GAB2: variants seen among roughly 807,000 people sequenced by gnomAD.
GAB2 encodes GRB2-associated-binding protein 2.
In GAB2, 26 loss-of-function variants were observed where a neutral mutation model predicts 65.5. The ratio of observed to expected loss-of-function variants is 0.40; its 90% CI spans 0.29 to 0.55. The LOEUF (loss-of-function observed/expected upper bound fraction) is 0.55. GAB2 is among the 20% of genes least tolerant of loss of function. The pLI, the probability that GAB2 is intolerant of heterozygous loss-of-function variation, is 0.53. For missense variants in GAB2, 884 were observed against 875.8 expected, an observed-to-expected ratio of 1.01 and a Z score of -0.12; for synonymous variants, 321 against 329.6, an observed-to-expected ratio of 0.97 and a Z score of 0.28.
At chr11:78,242,494 T>C (rs1266914683) in intron 3 of GAB2, among the ~76,000 whole-genome samples, 1 of 148,184 alleles carries the variant, frequency 6.7e-6, no homozygotes, top group Non-Finnish European at 1.5e-5. Context: ...AGAGCGAGAC[T>C]CCGTCTCAAA....
intron 1 of GAB2, among the ~76,000 whole-genome samples, chr11:78,393,238 C>T (rs561386368): frequency 2.0e-4 from 30 of 152,310 alleles, no homozygotes; most frequent in African/African-American, 6.7e-4. Flanking sequence ...ACAGGAACAT[C>T]AGGTCAGGTC....
At chr11:78,310,346 CAAAA>C (rs140896478) in intron 1 of GAB2, among the ~76,000 whole-genome samples, 1 of 120,106 alleles carries the variant, frequency 8.3e-6, no homozygotes, top group Non-Finnish European at 1.8e-5. Flanking sequence ...ACTAAAAATA[CAAAA>C]AAAAAAAAAA....
intron 3 of GAB2, among the ~76,000 whole-genome samples, chr11:78,235,312 C>T (rs556007221): frequency 1.2e-3 from 179 of 151,954 alleles, no homozygotes; most frequent in Non-Finnish European, 2.2e-3. Context: ...GTCACCATGC[C>T]GGGCTAATTT....
chr11:78,302,573 C>T (rs1235989078), intron 1 of GAB2, among the ~76,000 whole-genome samples: 1 of 151,722 alleles, frequency 6.6e-6, no homozygotes, highest in Non-Finnish European at 1.5e-5. Flanking sequence ...TTCCACACAG[C>T]TGGTGGGAAT....
chr11:78,319,469 A>G (rs1855680737), intron 1 of GAB2, among the ~76,000 whole-genome samples: 1 of 152,202 alleles, frequency 6.6e-6, no homozygotes, highest in Non-Finnish European at 1.5e-5. Flanking sequence ...TAGTTGGGGA[A>G]AAAAGTGGTA....
intron 2 of GAB2, among the ~76,000 whole-genome samples, chr11:78,271,866 G>A (rs962135883): frequency 2.0e-5 from 3 of 152,146 alleles, no homozygotes; most frequent in Admixed American, 6.6e-5. Context: ...GTTGTGGGAG[G>A]GATCCAGTGG....
intron 1 of GAB2, among the ~76,000 whole-genome samples, chr11:78,363,539 T>C (rs1375389722): frequency 1.3e-5 from 2 of 152,196 alleles, no homozygotes; most frequent in Non-Finnish European, 2.9e-5. Context: ...AAATGTCTGC[T>C]TTCCAGGGGA....
At chr11:78,407,778 G>C (rs536760732) in intron 1 of GAB2, among the ~76,000 whole-genome samples, 37 of 149,296 alleles carry the variant, frequency 2.5e-4, no homozygotes, top group African/African-American at 6.8e-4. Context: ...GAGAGAGAAA[G>C]AAAGAAAGAA....
At chr11:78,331,107 G>A (rs780777109) in intron 1 of GAB2, among the ~76,000 whole-genome samples, 3 of 151,954 alleles carry the variant, frequency 2.0e-5, no homozygotes, top group Non-Finnish European at 4.4e-5. Context: ...CCCGGGAGGT[G>A]GAGGTTGCAG....
rs1431610755 is a variant in GAB2 at position 78,250,171 on chromosome 11, T to C, written c.606A>G (p.Arg202=). The change falls in exon 3 of 10, where the codon AGA becomes AGG. Residue 202 remains arginine, a synonymous_variant. Coordinates refer to ENST00000361507, the MANE Select transcript of GAB2 (RefSeq NM_080491.3). Reference sequence around the variant, plus strand: ...CAGCCTCCTACCTTGCATTTTCTGCTCTTCGGCTTATGCACTGGTGCAAGT... The same window carrying C: ...CAGCCTCCTACCTTGCATTTTCTGCCCTTCGGCTTATGCACTGGTGCAAGT... The part of the protein sequence containing the change: ...YLYLHQCISR[R]AENARSASFS... 8.7e-6 allele frequency: 14 copies of C among 1,613,022 alleles called. No individual in the cohort carries two copies. Among genetic ancestry groups the C allele is most frequent in the Non-Finnish European group, 1.2e-5 (14 of 1,179,920 alleles).
intron 1 of GAB2, among the ~76,000 whole-genome samples, chr11:78,302,133 A>G (rs1867039573): frequency 6.6e-6 from 1 of 152,234 alleles, no homozygotes; most frequent in Admixed American, 6.5e-5. Context: ...TGGCTTAGGA[A>G]AAGATTTCAT....
At chr11:78,388,799 A>T (rs1856799407) in intron 1 of GAB2, among the ~76,000 whole-genome samples, 1 of 152,200 alleles carries the variant, frequency 6.6e-6, no homozygotes, top group South Asian at 2.1e-4. Flanking sequence ...AGTCCTGCTT[A>T]TTTTTGTTTT....
chr11:78,282,338 G>A lies in GAB2; in HGVS notation c.76-1437C>T, dbSNP rs935441388. On this transcript the variant is annotated intron_variant, in intron 1 of 9. Transcript: ENST00000361507. ...TTTTTTTTTTTTGAGACGGAGTTTC[G>A]CTCTGTCACCCAGGCTGGAGTGCAG... 6.8e-5 allele frequency among the ~76,000 whole-genome samples: 10 copies of A among 147,686 alleles called. No homozygotes were observed. In the East Asian group the frequency reaches 1.2e-3, roughly 17 times the overall value.
chr11:78,379,426 A>G (rs1591075629), intron 1 of GAB2, among the ~76,000 whole-genome samples: 1 of 152,328 alleles, frequency 6.6e-6, no homozygotes, highest in South Asian at 2.1e-4. Flanking sequence ...CCTCCTTAGT[A>G]AGTGTAAATT....
At chr11:78,297,273 A>G (rs933656520) in intron 1 of GAB2, among the ~76,000 whole-genome samples, 1 of 151,786 alleles carries the variant, frequency 6.6e-6, no homozygotes, top group Non-Finnish European at 1.5e-5. Flanking sequence ...GTCAAATATT[A>G]TAATAATATA....
At chr11:78,353,626 ATATGTC>A (rs1214906644) in intron 1 of GAB2, among the ~76,000 whole-genome samples, 1 of 152,256 alleles carries the variant, frequency 6.6e-6, no homozygotes, top group Non-Finnish European at 1.5e-5. Context: ...CACTAGCAAC[ATATGTC>A]TACTGAGCAC....
chr11:78,369,835 G>A (rs1407552240), intron 1 of GAB2, among the ~76,000 whole-genome samples: 4 of 152,140 alleles, frequency 2.6e-5, no homozygotes, highest in Admixed American at 6.5e-5. Flanking sequence ...CCCCCAGAAC[G>A]TTATTCACCT....
In GAB2 at chr11:78,222,127, T is replaced by C. The variant is rs1335476879; in HGVS notation, c.1636A>G (p.Thr546Ala). The C allele has an allele frequency of 6.2e-7, 1 of 1,613,122 alleles. No individual in the cohort carries two copies. Among genetic ancestry groups the C allele is most frequent in the Non-Finnish European group, 8.5e-7 (1 of 1,179,112 alleles). Reference sequence around the variant, plus strand: ...TACTTGGCCCTAGACCAAGACTTGGTGATAGGTGACTTGAAGGGGAGTTCA... The same window carrying C: ...TACTTGGCCCTAGACCAAGACTTGGCGATAGGTGACTTGAAGGGGAGTTCA... Reference protein sequence around the residue: ...IDELPFKSPITKSWSRANHTF... With the variant: ...IDELPFKSPIAKSWSRANHTF... The change falls in exon 7 of 10, where the codon ACC (threonine) becomes GCC (alanine). Residue 546 changes from threonine to alanine, a missense_variant. Physicochemically the swap from Thr to Ala is moderately conservative, Grantham distance 58. Transcript: ENST00000361507.
intron 1 of GAB2, among the ~76,000 whole-genome samples, chr11:78,346,694 TA>T (rs1856188348): frequency 5.5e-5 from 5 of 91,084 alleles, no homozygotes; most frequent in African/African-American, 1.5e-4. Flanking sequence ...TATATATATA[TA>T]TATATATATA....
Sources: allele counts gnomAD v4.1 joint callset (sites outside exome capture counted in the v4.1 genomes callset), GRCh38; gene constraint gnomAD v4.1.1; transcripts MANE v1.5; gene names NCBI Gene and HGNC (gene_info 2026-07-23, HGNC 2026-07-21).